Variants in KIAA1217 observed in about 807,000 individuals in gnomAD.
KIAA1217 encodes KIAA1217, also known as sickle tail protein homolog.
In KIAA1217, 88 loss-of-function variants were observed where a neutral mutation model predicts 163.9. The ratio of observed to expected loss-of-function variants is 0.54; its 90% confidence interval spans 0.45 to 0.64. The LOEUF (loss-of-function observed/expected upper bound fraction) is 0.64, where lower values mean the gene tolerates loss of function less well. Ranked by LOEUF, KIAA1217 falls within the 30% of genes least tolerant of loss-of-function variation. KIAA1217 has a pLI of 0.00. For missense variants in KIAA1217, 2,372 were observed against 2,475.0 expected (o/e 0.96, Z 0.88); for synonymous variants, 903 against 923.1 (o/e 0.98, Z 0.39).
chr10:23,789,358 T>G (rs1835635754), intron 1 of KIAA1217, among the ~76,000 whole-genome samples: 1 of 152,172 alleles, frequency 6.6e-6, no homozygotes, highest in Non-Finnish European at 1.5e-5. Context: ...TTGTAAGCAT[T>G]TCCTTTTTCT....
In KIAA1217 at chr10:23,795,154, T is replaced by C. The variant is rs551230091; in HGVS notation, c.-321+99920T>C. Among the ~76,000 whole-genome samples the C allele has an allele frequency of 4.4e-4, 67 of 152,352 alleles. No individual in the cohort carries two copies. The South Asian group carries it at 8.7e-3, about 20-fold the overall frequency. ...CATTTTCTGACTTTAGTAATCTTTA[T>C]TGACAATTTAGGGGCTATGGAGAGA... On this transcript the variant is annotated intron_variant, in intron 1 of 18. Transcript: ENST00000376462.
At chr10:24,342,263 A>T (rs1564505625) in intron 2 of KIAA1217, among the ~76,000 whole-genome samples, 1 of 152,262 alleles carries the variant, frequency 6.6e-6, no homozygotes, top group Non-Finnish European at 1.5e-5. Context: ...GACCTACCTC[A>T]CATACTTGTC....
chr10:23,872,998 C>T (rs1388523040), intron 1 of KIAA1217, among the ~76,000 whole-genome samples: 1 of 151,810 alleles, frequency 6.6e-6, no homozygotes, highest in African/African-American at 2.4e-5. Context: ...AAAGAAATGA[C>T]AAAAGTCTGT....
At chr10:24,295,271 TTTTAA>T (rs533119078) in intron 2 of KIAA1217, among the ~76,000 whole-genome samples, 1,727 of 152,328 alleles carry the variant, frequency 0.011, 16 homozygotes, top group Non-Finnish European at 0.016. Context: ...ATCTTACAAC[TTTTAA>T]TTAATATATC....
At position 23,720,945 on chromosome 10, in the gene KIAA1217, G is replaced by C. The variant is rs1837847765; in HGVS notation, c.-321+25711G>C. ...TTTGCTTAGAAAATTAAAACGAAAAGGTATGAATTCCACTGACACCTTTGT... is the reference window on the plus strand; with the variant it reads ...TTTGCTTAGAAAATTAAAACGAAAACGTATGAATTCCACTGACACCTTTGT... On this transcript the variant is annotated intron_variant, in intron 1 of 18. Coordinates refer to the KIAA1217 transcript ENST00000376462. Among the ~76,000 whole-genome samples, 3 of 152,034 alleles carry C rather than the reference G, an allele frequency of 2.0e-5. No homozygotes were observed. In the South Asian group the frequency reaches 6.2e-4, roughly 32 times the overall value.
intron 2 of KIAA1217, among the ~76,000 whole-genome samples, chr10:24,105,535 CA>C (rs2062591498): frequency 6.6e-6 from 1 of 152,294 alleles, no homozygotes; most frequent in South Asian, 2.1e-4. Flanking sequence ...CTCAAGAAAC[CA>C]GTGGTATCTG....
chr10:24,377,472 A>T (rs1233840535), intron 2 of KIAA1217, among the ~76,000 whole-genome samples: 1 of 152,180 alleles, frequency 6.6e-6, no homozygotes, highest in African/African-American at 2.4e-5. Flanking sequence ...GACTGAGAAA[A>T]GTTTTCACCG....
chr10:23,812,476 T>G (rs1444339527), intron 1 of KIAA1217, among the ~76,000 whole-genome samples: 4 of 147,422 alleles, frequency 2.7e-5, no homozygotes, highest in African/African-American at 9.9e-5. Flanking sequence ...ATGAAACTAA[T>G]TATTATTGTT....
chr10:23,790,535 A>ATGTATATG (rs1400213356), intron 1 of KIAA1217, among the ~76,000 whole-genome samples: 2 of 86,380 alleles, frequency 2.3e-5, no homozygotes, highest in African/African-American at 1.8e-4. Context: ...ATATATACAT[A>ATGTATATG]TACATGTGCA....
In KIAA1217 at chr10:23,790,276, TGCATATGC is replaced by T. The variant is rs1454787563; in HGVS notation, c.-321+95043_-321+95050del. 1.8e-5 allele frequency among the ~76,000 whole-genome samples: 2 copies of T among 108,852 alleles called. 1 individual carries two copies. Among genetic ancestry groups the T allele is most frequent in the East Asian group, 5.0e-4 (2 of 3,996 alleles). 71.4% of individuals were successfully genotyped at this position (108,852 alleles called of 152,430 possible). A position where few individuals can be genotyped will look rare whatever the true frequency, so the allele number is the denominator to read the frequency against. On this transcript the variant is annotated intron_variant, in intron 1 of 18. Coordinates refer to the KIAA1217 transcript ENST00000376462. ...ATATGCACATATGCATATGCACATATGCATATGCACATATGCATATGCACATATGCATA... is the reference window on the plus strand; with the variant it reads ...ATATGCACATATGCATATGCACATATACATATGCATATGCACATATGCATA...
At chr10:23,949,902 A>G (rs1844249746) in intron 1 of KIAA1217, among the ~76,000 whole-genome samples, 1 of 152,158 alleles carries the variant, frequency 6.6e-6, no homozygotes, top group African/African-American at 2.4e-5. Flanking sequence ...AGCACCTACC[A>G]CTTACTGAGC....
intron 1 of KIAA1217, among the ~76,000 whole-genome samples, chr10:23,720,575 G>A (rs1469026637): frequency 1.3e-5 from 2 of 152,136 alleles, no homozygotes; most frequent in Non-Finnish European, 2.9e-5. Flanking sequence ...AGGGGACTGG[G>A]AGGTACAGCC....
At chr10:24,255,684 C>T (rs551871821) in intron 2 of KIAA1217, 5 of 311,906 alleles carry the variant, frequency 1.6e-5, no homozygotes, top group African/African-American at 8.8e-5. Context: ...ATCTGGACAG[C>T]TCACCCAAGA....
chr10:24,234,907 CTG>C (rs1350236350), intron 2 of KIAA1217, among the ~76,000 whole-genome samples: 1 of 152,118 alleles, frequency 6.6e-6, no homozygotes, highest in Non-Finnish European at 1.5e-5. Flanking sequence ...TCTTGACAAG[CTG>C]TATCTGAAAT....
chr10:24,487,291 T>C (rs2065529334), intron 6 of KIAA1217, among the ~76,000 whole-genome samples: 1 of 152,234 alleles, frequency 6.6e-6, no homozygotes, highest in Admixed American at 6.5e-5. Flanking sequence ...CTGGCTGGGC[T>C]GTAGCCACCA....
chr10:24,486,103 G>A (rs1207055343), intron 6 of KIAA1217, among the ~76,000 whole-genome samples: 5 of 152,158 alleles, frequency 3.3e-5, no homozygotes, highest in Non-Finnish European at 7.3e-5. Context: ...CGACCTCACA[G>A]CTACCCATTG....
chr10:24,364,922 C>CT (rs1356202945), intron 2 of KIAA1217, among the ~76,000 whole-genome samples: 2 of 152,070 alleles, frequency 1.3e-5, no homozygotes, highest in Non-Finnish European at 2.9e-5. Flanking sequence ...CCTCAGCCCC[C>CT]TCGGTAGCTA....
At position 23,876,945 on chromosome 10, in the gene KIAA1217, T is replaced by C. The variant is rs906745940; in HGVS notation, c.-320-130280T>C. Among the ~76,000 whole-genome samples the C allele has an allele frequency of 7.9e-5, 12 of 152,088 alleles. 1 individual carries two copies. The highest frequency in any genetic ancestry group is 7.2e-4 in the Admixed American group (11 of 15,248). On this transcript the variant is annotated intron_variant, in intron 1 of 18. Transcript: ENST00000376462. ...GCAGCAGAGAGGACATTGACTTACG[T>C]GTCCCTCAAACTGGAAGTTAGACTG...
At chr10:24,188,576 G>C (rs557448796) in intron 2 of KIAA1217, among the ~76,000 whole-genome samples, 1 of 152,296 alleles carries the variant, frequency 6.6e-6, no homozygotes, top group African/African-American at 2.4e-5. Context: ...GTATTCAATA[G>C]GCTGCTGCCT....
Sources: gnomAD v4.1 joint callset for allele counts (sites outside exome capture counted in the v4.1 genomes callset) on GRCh38, gnomAD v4.1.1 for gene constraint, MANE v1.5 for transcripts, NCBI Gene and HGNC (gene_info 2026-07-23, HGNC 2026-07-21) for gene names.